Variants in OR10G3 observed in about 807,000 individuals in gnomAD.
OR10G3 encodes olfactory receptor family 10 subfamily G member 3.
In OR10G3, 8 loss-of-function variants were observed where a neutral mutation model predicts 13.4. The observed-to-expected ratio is 0.60, with a 90% CI of 0.35 to 1.08. The LOEUF is 1.08. OR10G3 is among the 50% of genes least tolerant of loss of function. OR10G3 has a pLI of 0.02. For synonymous variants in OR10G3, 142 were observed against 156.1 expected, an observed-to-expected ratio of 0.91 and a Z score of 0.67; for missense variants, 393 against 386.6, an observed-to-expected ratio of 1.02 and a Z score of -0.14.
At chr14:21,571,156 C>T (rs1893064391) in intron 1 of OR10G3, among the ~76,000 whole-genome samples, 1 of 152,182 alleles carries the variant, frequency 6.6e-6, no homozygotes, top group Non-Finnish European at 1.5e-5. Flanking sequence ...GCCAGGATTT[C>T]CTGGAAACAT....
chr14:21,570,726 T>A lies in OR10G3; in HGVS notation c.19A>T (p.Thr7Ser). MERINS[T>S]LLTAFILTGI... ...GTCAGGATAAACGCAGTCAACAGTG[T>A]GCTGTTGATTCTTTCCATATCCCAG... The change falls in exon 2 of 2, where the codon ACA (threonine) becomes TCA (serine). Residue 7 changes from threonine (T) to serine (S), a missense_variant. Physicochemically the swap from Thr to Ser is moderately conservative, Grantham distance 58 (BLOSUM62 1). Transcript: ENST00000641040. The A allele has an allele frequency of 6.3e-7, 1 of 1,585,874 alleles. No individual in the cohort carries two copies.
At chr14:21,578,520 G>C (rs183572661) in intron 1 of OR10G3, among the ~76,000 whole-genome samples, 2 of 152,182 alleles carry the variant, frequency 1.3e-5, no homozygotes, top group East Asian at 1.9e-4. Flanking sequence ...CTAAATAAAA[G>C]TGTATAATTT....
At chr14:21,575,829 T>G (rs1893123501) in intron 1 of OR10G3, among the ~76,000 whole-genome samples, 1 of 152,202 alleles carries the variant, frequency 6.6e-6, no homozygotes, top group African/African-American at 2.4e-5. Flanking sequence ...CTCTTTCAAG[T>G]CAATAAAATG....
At position 21,570,272 on chromosome 14, in the gene OR10G3, G is replaced by GC. The variant is rs752984366; in HGVS notation, c.472dup (p.Ala158GlyfsTer24). ...GCGGAAGGTTAGGATGGCCTGGAGA[G>GC]CCCCATGGATGGATCCTGCCATCCA... On this transcript the variant is annotated frameshift_variant, in exon 2 of 2. Coordinates refer to ENST00000641040, the MANE Select transcript of OR10G3 (RefSeq NM_001005465.2). LOFTEE classifies it high-confidence loss of function. 6 of 1,614,106 alleles carry GC rather than the reference G, an allele frequency of 3.7e-6. No individual in the cohort carries two copies. The highest frequency in any genetic ancestry group is 5.1e-6 in the Non-Finnish European group (6 of 1,180,058).
At chr14:21,571,905 C>A (rs1266461559) in intron 1 of OR10G3, among the ~76,000 whole-genome samples, 1 of 151,958 alleles carries the variant, frequency 6.6e-6, no homozygotes, top group Non-Finnish European at 1.5e-5. Flanking sequence ...AACTCCTGGC[C>A]TCAAGTGATC....
In OR10G3 at chr14:21,576,195, G is replaced by A. The variant is rs186870987; in HGVS notation, c.-18+3591C>T. Among the ~76,000 whole-genome samples the A allele has an allele frequency of 1.9e-4, 29 of 152,250 alleles. No individual in the cohort carries two copies. In the East Asian group the frequency reaches 5.4e-3, roughly 28 times the overall value. On this transcript the variant is annotated intron_variant, in intron 1 of 1. Transcript: ENST00000641040. ...TCTCTCTGGGGGAATCAGGCTGAGG[G>A]AAATCAGTTCACACTATTCAAGTAC...
At chr14:21,577,670 C>T (rs901870695) in intron 1 of OR10G3, among the ~76,000 whole-genome samples, 2 of 152,150 alleles carry the variant, frequency 1.3e-5, no homozygotes, top group Admixed American at 1.3e-4. Flanking sequence ...TGAAGTTGCC[C>T]GACTTCTTTC....
intron 1 of OR10G3, among the ~76,000 whole-genome samples, chr14:21,572,614 A>C (rs1465081484): frequency 2.4e-5 from 3 of 122,660 alleles, no homozygotes; most frequent in African/African-American, 2.6e-5. Context: ...CAAACAAAAA[A>C]AAAAAAAAAA....
intron 1 of OR10G3, among the ~76,000 whole-genome samples, chr14:21,576,428 T>A (rs758765946): frequency 5.3e-5 from 8 of 152,146 alleles, no homozygotes; most frequent in African/African-American, 7.2e-5. Context: ...TTAAGTTAGG[T>A]CACAGTGAAC....
At chr14:21,579,725 T>A (rs1876849635) in intron 1 of OR10G3, 61 bp downstream of exon 1, 1 of 152,204 alleles carries the variant, frequency 6.6e-6, no homozygotes. Flanking sequence ...GGACTTAACA[T>A]TTATCTCTGA....
At chr14:21,572,255 C>T (rs1262916725) in intron 1 of OR10G3, among the ~76,000 whole-genome samples, 2 of 109,970 alleles carry the variant, frequency 1.8e-5, no homozygotes, top group Non-Finnish European at 3.5e-5. Context: ...CACTTCACTC[C>T]AGCCTGGGCA....
In OR10G3 at chr14:21,577,736, C is replaced by T. The variant is rs10151411; in HGVS notation, c.-18+2050G>A. On this transcript the variant is annotated intron_variant, in intron 1 of 1. Transcript: ENST00000641040. ...AAAAAAGCCCGAGGGAGGCCGGGCGCGGTGGCTCACGCCTGTAATCCCAGC... is the reference window on the plus strand; with the variant it reads ...AAAAAAGCCCGAGGGAGGCCGGGCGTGGTGGCTCACGCCTGTAATCCCAGC... Among the ~76,000 whole-genome samples, 777 of 152,316 alleles carry T rather than the reference C, an allele frequency of 5.1e-3. 10 individuals are homozygous for T. Among genetic ancestry groups the T allele is most frequent in the African/African-American group, 0.017 (712 of 41,576 alleles).
In OR10G3 at chr14:21,569,774, G is replaced by A. The variant is rs8009501; in HGVS notation, c.*29C>T. The A allele has an allele frequency of 0.67, 1,042,326 of 1,557,960 alleles. 350,784 individuals are homozygous for A. Among genetic ancestry groups the A allele is most frequent in the Admixed American group, 0.8 (42,514 of 52,926 alleles). The stretch of plus-strand genomic sequence containing the variant: ...AACATTATAATAAATTCTAATTGTG[G>A]CAGCTTCCCTAGTGGGAGAAAGACA... On this transcript the variant is annotated 3_prime_UTR_variant, in exon 2 of 2. Transcript: ENST00000641040.
intron 1 of OR10G3, among the ~76,000 whole-genome samples, chr14:21,578,066 A>G (rs1464746282): frequency 2.0e-5 from 3 of 151,888 alleles, no homozygotes; most frequent in Admixed American, 6.6e-5. Context: ...TTAGTCTTTG[A>G]ATATATTGAT....
At chr14:21,573,273 T>C (rs972539664) in intron 1 of OR10G3, among the ~76,000 whole-genome samples, 1 of 152,024 alleles carries the variant, frequency 6.6e-6, no homozygotes, top group Non-Finnish European at 1.5e-5. Flanking sequence ...CACTTATATG[T>C]GGAATCTAAA....
intron 1 of OR10G3, among the ~76,000 whole-genome samples, chr14:21,573,152 T>A (rs1893089821): frequency 6.6e-6 from 1 of 152,194 alleles, no homozygotes; most frequent in Non-Finnish European, 1.5e-5. Flanking sequence ...AGAATACTAT[T>A]CAGCCCTAGA....
chr14:21,578,988 C>G (rs1173844557), intron 1 of OR10G3, among the ~76,000 whole-genome samples: 1 of 152,152 alleles, frequency 6.6e-6, no homozygotes, highest in Non-Finnish European at 1.5e-5. Context: ...TATAGCTTTA[C>G]TCATGTCCAT....
Position 21,571,411 on chromosome 14 carries a change from A to G in OR10G3, c.-17-650T>C, listed in dbSNP as rs186208597. On this transcript the variant is annotated intron_variant, in intron 1 of 1. Coordinates refer to ENST00000641040, the MANE Select transcript of OR10G3 (RefSeq NM_001005465.2). ...AGAATGACCATGAAGCTGTAAGTAC[A>G]TAAATAAAGTGAGGACTATCGCCAC... 1.2e-4 allele frequency among the ~76,000 whole-genome samples: 16 copies of G among 130,938 alleles called. 1 individual carries two copies. The East Asian group carries it at 3.3e-3, about 27-fold the overall frequency. 85.9% of individuals were successfully genotyped at this position (130,938 alleles called of 152,430 possible).
intron 1 of OR10G3, among the ~76,000 whole-genome samples, chr14:21,573,447 C>T (rs1234494687): frequency 6.6e-6 from 1 of 151,730 alleles, no homozygotes; most frequent in African/African-American, 2.4e-5. Context: ...CCAAGGCAGG[C>T]AGATCACTTG....
Sources: allele counts gnomAD v4.1 joint callset (sites outside exome capture counted in the v4.1 genomes callset), GRCh38; gene constraint gnomAD v4.1.1; transcripts MANE v1.5; gene names NCBI Gene and HGNC (gene_info 2026-07-23, HGNC 2026-07-21).